Variants in SLC25A29 observed in about 807,000 individuals in gnomAD.
The protein encoded by SLC25A29 is solute carrier family 25 member 29, also known as mitochondrial basic amino acids transporter.
Under a neutral mutation model 10.0 loss-of-function variants are expected in SLC25A29, and 13 were observed. That is an observed-to-expected ratio of 1.30 (90% CI 0.85 to 2.07). The LOEUF is 2.07. Ranked by LOEUF, SLC25A29 falls within the 30% of genes most tolerant of loss-of-function variation. The pLI is 0.00. For synonymous variants in SLC25A29, 244 were observed against 221.1 expected, an observed-to-expected ratio of 1.10 and a Z score of -0.92; for missense variants, 475 against 447.6, an observed-to-expected ratio of 1.06 and a Z score of -0.55.
Position 100,292,461 on chromosome 14 carries a change from C to T in SLC25A29, c.734G>A (p.Arg245His), listed in dbSNP as rs755847838. 6.3e-7 allele frequency: 1 copy of T among 1,579,606 alleles called. No individual in the cohort carries two copies. Among genetic ancestry groups the T allele is most frequent in the East Asian group, 2.3e-5 (1 of 43,180 alleles). ...VHQSYRAEGW[R>H]VFTRGLASTL... is the part of the protein sequence containing the mutation. The stretch of plus-strand genomic sequence containing the variant: ...GGACGCCAGCCCCCGTGTGAAGACG[C>T]GCCAGCCCTCGGCGCGGTAGCTCTG... Residue 245 changes from arginine (R) to histidine (H), a missense_variant, in exon 4 of 4, where the codon CGC becomes CAC. Transcript: ENST00000359232.
At chr14:100,287,484 GC>G (rs1891566288), downstream of SLC25A29, among the ~76,000 whole-genome samples, 1 of 152,062 alleles carries the variant, frequency 6.6e-6, no homozygotes, top group Non-Finnish European at 1.5e-5. Flanking sequence ...CAAGGAAGGA[GC>G]CATAAACTCC....
At chr14:100,281,923 T>G in the SLC25A29 span, 1 of 152,158 alleles carries the variant, frequency 6.6e-6, no homozygotes, top group Non-Finnish European at 1.5e-5. Context: ...AAGGGATCAG[T>G]GTGGTGCCAG....
chr14:100,301,699 C>T (rs1191225142), intron 1 of SLC25A29, among the ~76,000 whole-genome samples: 2 of 149,530 alleles, frequency 1.3e-5, no homozygotes, highest in Non-Finnish European at 1.5e-5. Context: ...TTAGTAGAGA[C>T]GGGGTTTCAC....
downstream of SLC25A29, among the ~76,000 whole-genome samples, chr14:100,289,035 C>G (rs1237843839): frequency 3.3e-5 from 5 of 152,160 alleles, no homozygotes; most frequent in Non-Finnish European, 5.9e-5. Context: ...CAGGAGAAGG[C>G]GGCAAGAGAT....
chr14:100,306,086 A>G, intron 1 of SLC25A29, 113 bp downstream of exon 1: 1 of 749,020 alleles, frequency 1.3e-6, no homozygotes, highest in Non-Finnish European at 2.0e-6. Flanking sequence ...GTCCCCATTC[A>G]CAGACGCGGC....
rs1346585864 is a variant in SLC25A29, at chr14:100,291,123, A to C, written c.*1160T>G. ...CAAAGGCAGCCTCGCCACTTAAAAA[A>C]CAAAGAACACTTTATTCCCTTGACA... On this transcript the variant is annotated 3_prime_UTR_variant, in exon 4 of 4. Coordinates refer to ENST00000359232, the MANE Select transcript of SLC25A29 (RefSeq NM_001039355.3). The C allele has an allele frequency of 6.6e-6, 1 of 152,390 alleles. No homozygotes were observed. The highest frequency in any genetic ancestry group is 3.4e-3 in the Middle Eastern group (1 of 294). The allele number at this position is 152,390 out of a possible 1,614,324, so 9.4% of individuals were successfully genotyped here.
At chr14:100,285,367 T>C in the SLC25A29 span, among the ~76,000 whole-genome samples, 1 of 151,088 alleles carries the variant, frequency 6.6e-6, no homozygotes, top group Non-Finnish European at 1.5e-5. Context: ...CGGGGGCTTC[T>C]AGACCTGCGC....
intron 1 of SLC25A29, chr14:100,299,815 T>G: frequency 1.0e-6 from 1 of 985,472 alleles, no homozygotes; most frequent in Non-Finnish European, 1.2e-6. Context: ...CTCCCTTTAC[T>G]GCCAGTAGCG....
the SLC25A29 span, chr14:100,279,174 T>TTA: frequency 6.6e-6 from 1 of 152,320 alleles, no homozygotes; most frequent in African/African-American, 2.4e-5. Flanking sequence ...TGAGAATACT[T>TTA]TATAAACTGC....
At chr14:100,295,907 G>A in intron 2 of SLC25A29, 1 of 1,289,582 alleles carries the variant, frequency 7.8e-7, no homozygotes, top group Non-Finnish European at 1.0e-6. Flanking sequence ...GTAGAAACGT[G>A]TGAAGGCCGT....
downstream of SLC25A29, among the ~76,000 whole-genome samples, chr14:100,290,894 C>T (rs1293078818): frequency 6.6e-6 from 1 of 152,266 alleles, no homozygotes; most frequent in Non-Finnish European, 1.5e-5. Context: ...GGGGCATCTG[C>T]TGAATGGCCA....
At chr14:100,290,900 G>A (rs1443044995), downstream of SLC25A29, among the ~76,000 whole-genome samples, 1 of 152,228 alleles carries the variant, frequency 6.6e-6, no homozygotes, top group Non-Finnish European at 1.5e-5. Flanking sequence ...TCTGCTGAAT[G>A]GCCAGGCTGC....
intron 1 of SLC25A29, 75 bp downstream of exon 1, chr14:100,306,123 GC>G: frequency 8.9e-7 from 1 of 1,128,540 alleles, no homozygotes; most frequent in Non-Finnish European, 1.2e-6. Context: ...AAGCCGCGAG[GC>G]CAGGGCGTGC....
rs116972882 is a variant in SLC25A29, at chr14:100,296,401, C to G, written c.78+2441G>C. 2.5e-3 allele frequency: 527 copies of G among 210,404 alleles called. 3 individuals are homozygous for G. The highest frequency in any genetic ancestry group is 4.0e-3 in the South Asian group (59 of 14,604). 13.0% of individuals were successfully genotyped at this position (210,404 alleles called of 1,614,324 possible). A position where few individuals can be genotyped will look rare whatever the true frequency, so the allele number is the denominator to read the frequency against. ...CTATGATTGCACCACTGCACTCCAC[C>G]TAGGGTGACAGAGCAAGACCGTGTC... On this transcript the variant is annotated intron_variant, in intron 2 of 3. Transcript: ENST00000359232.
At chr14:100,301,003 C>T (rs1211297873) in intron 1 of SLC25A29, among the ~76,000 whole-genome samples, 1 of 151,924 alleles carries the variant, frequency 6.6e-6, no homozygotes, top group African/African-American at 2.4e-5. Context: ...GGGTTCATGC[C>T]ATTCTCCTGC....
chr14:100,295,772 C>T (rs1284002561), intron 2 of SLC25A29: 6 of 1,289,368 alleles, frequency 4.7e-6, no homozygotes, highest in Non-Finnish European at 5.1e-6. Context: ...CCCCCACAGC[C>T]AGCCCCCACC....
chr14:100,294,962 TG>T (rs955893232), intron 2 of SLC25A29: 3 of 152,330 alleles, frequency 2.0e-5, no homozygotes, highest in African/African-American at 4.8e-5. Context: ...CTGGGGCCTC[TG>T]GGGGGATCTC....
chr14:100,297,567 T>G (rs577418845), intron 2 of SLC25A29, among the ~76,000 whole-genome samples: 4 of 152,304 alleles, frequency 2.6e-5, no homozygotes, highest in African/African-American at 9.6e-5. Flanking sequence ...CAGGCTGTCC[T>G]GGGCTGCTCT....
At chr14:100,287,094 A>T (rs1402890342), downstream of SLC25A29, among the ~76,000 whole-genome samples, 1 of 152,276 alleles carries the variant, frequency 6.6e-6, no homozygotes, top group African/African-American at 2.4e-5. Context: ...TGAAGGTCCC[A>T]GGTCAGTGTG....
Sources: allele counts gnomAD v4.1 joint callset (sites outside exome capture counted in the v4.1 genomes callset), GRCh38; gene constraint gnomAD v4.1.1; transcripts MANE v1.5; gene names NCBI Gene and HGNC (gene_info 2026-07-23, HGNC 2026-07-21).